The following KCNH7 variants were observed in gnomAD, a reference collection of about 807,000 sequenced individuals.
The protein encoded by KCNH7 is voltage-gated inwardly rectifying potassium channel KCNH7.
In KCNH7, 49 loss-of-function variants were observed where a neutral mutation model predicts 120.8. The ratio of observed to expected loss-of-function variants is 0.41; its 90% CI spans 0.32 to 0.51. The LOEUF is 0.51. Among genes scored for constraint, KCNH7 ranks in the 20% least tolerant of loss-of-function variants. The pLI is 0.38. For missense variants in KCNH7, 1,097 were observed against 1,446.6 expected (o/e 0.76, Z 3.92); for synonymous variants, 547 against 516.1 (o/e 1.06, Z -0.81).
intron 2 of KCNH7, among the ~76,000 whole-genome samples, chr2:162,780,076 T>C (rs1193110163): frequency 6.6e-6 from 1 of 152,234 alleles, no homozygotes; most frequent in African/African-American, 2.4e-5. Flanking sequence ...TTATGAATTA[T>C]GAATTTGATA....
chr2:162,762,770 A>G (rs1182484661), intron 2 of KCNH7, among the ~76,000 whole-genome samples: 2 of 152,112 alleles, frequency 1.3e-5, no homozygotes, highest in Non-Finnish European at 1.5e-5. Flanking sequence ...TGCCCACCTT[A>G]TAAAATTGTC....
Position 162,371,555 on chromosome 2 carries a change from C to T in KCNH7, c.*274G>A. On this transcript the variant is annotated 3_prime_UTR_variant, in exon 16 of 16. Transcript: ENST00000332142. The stretch of plus-strand genomic sequence containing the variant: ...CTCCATGCAAGAGAAATTGGAGTTT[C>T]CTAACATGCATGTGATTTAAAAAAT... 1 of 872,698 alleles carries T rather than the reference C, an allele frequency of 1.1e-6. No homozygotes were observed. Among genetic ancestry groups the T allele is most frequent in the Non-Finnish European group, 1.5e-6 (1 of 651,006 alleles). 54.1% of individuals were successfully genotyped at this position (872,698 alleles called of 1,614,324 possible).
At chr2:162,758,526 C>T (rs538907626) in intron 2 of KCNH7, among the ~76,000 whole-genome samples, 7 of 151,758 alleles carry the variant, frequency 4.6e-5, no homozygotes, top group South Asian at 2.1e-4. Flanking sequence ...TATATATAAA[C>T]GTATATATAT....
chr2:162,829,936 C>G (rs1055581589), intron 2 of KCNH7, among the ~76,000 whole-genome samples: 3 of 150,360 alleles, frequency 2.0e-5, no homozygotes, highest in African/African-American at 7.3e-5. Context: ...TCACTTCGTA[C>G]TAGTTACCCT....
chr2:162,509,566 G>A (rs1019761905), intron 5 of KCNH7, among the ~76,000 whole-genome samples: 1 of 151,560 alleles, frequency 6.6e-6, no homozygotes, highest in African/African-American at 2.4e-5. Context: ...AACCAGTTTA[G>A]CACTTAGAAA....
chr2:162,760,617 A>G (rs1420097520), intron 2 of KCNH7, among the ~76,000 whole-genome samples: 1 of 152,066 alleles, frequency 6.6e-6, no homozygotes, highest in Non-Finnish European at 1.5e-5. Flanking sequence ...ACTCCTCTAA[A>G]TAATATCTTC....
chr2:162,584,806 GC>G (rs1262511479), intron 2 of KCNH7, among the ~76,000 whole-genome samples: 1 of 151,078 alleles, frequency 6.6e-6, no homozygotes, highest in African/African-American at 2.4e-5. Flanking sequence ...CATGGGATGA[GC>G]ATGAGGCCTA....
At chr2:162,571,823 T>A (rs1260273844) in intron 2 of KCNH7, among the ~76,000 whole-genome samples, 1 of 151,148 alleles carries the variant, frequency 6.6e-6, no homozygotes, top group Non-Finnish European at 1.5e-5. Context: ...TACATGGTGC[T>A]GGGAAAACTG....
At chr2:162,565,877 G>C (rs1199016546) in intron 2 of KCNH7, among the ~76,000 whole-genome samples, 2 of 151,878 alleles carry the variant, frequency 1.3e-5, no homozygotes, top group African/African-American at 4.8e-5. Flanking sequence ...ATGTGACCTT[G>C]GACAAATTAC....
At chr2:162,807,515 G>A (rs1302673238) in intron 2 of KCNH7, among the ~76,000 whole-genome samples, 1 of 152,048 alleles carries the variant, frequency 6.6e-6, no homozygotes, top group East Asian at 1.9e-4. Flanking sequence ...AGGAAGTAGA[G>A]ATTCTGATAC....
chr2:162,430,095 G>C (rs1367017693), intron 8 of KCNH7, among the ~76,000 whole-genome samples: 2 of 151,788 alleles, frequency 1.3e-5, no homozygotes, highest in Non-Finnish European at 2.9e-5. Flanking sequence ...ACCACTTGAG[G>C]ATCTGCTTGT....
At chr2:162,827,880 T>C (rs1292305329) in intron 2 of KCNH7, among the ~76,000 whole-genome samples, 1 of 152,090 alleles carries the variant, frequency 6.6e-6, no homozygotes, top group African/African-American at 2.4e-5. Flanking sequence ...TGAAAGCAAT[T>C]TATATGAAGA....
chr2:162,661,407 T>C (rs771718130), intron 2 of KCNH7, among the ~76,000 whole-genome samples: 19 of 152,148 alleles, frequency 1.2e-4, no homozygotes, highest in Non-Finnish European at 1.9e-4. Context: ...GAAAGTGGGG[T>C]ATTGCATCTT....
chr2:162,563,437 C>T (rs1225952037), intron 2 of KCNH7, among the ~76,000 whole-genome samples: 1 of 152,168 alleles, frequency 6.6e-6, no homozygotes, highest in African/African-American at 2.4e-5. Context: ...CAGAGGCACA[C>T]ACATCCTTCT....
At chr2:162,690,672 G>A (rs1419924976) in intron 2 of KCNH7, among the ~76,000 whole-genome samples, 1 of 152,048 alleles carries the variant, frequency 6.6e-6, no homozygotes, top group African/African-American at 2.4e-5. Context: ...CTTTCTGCTG[G>A]CATCCTGGGA....
At chr2:162,698,779 A>C (rs1686388505) in intron 2 of KCNH7, among the ~76,000 whole-genome samples, 1 of 152,062 alleles carries the variant, frequency 6.6e-6, no homozygotes, top group South Asian at 2.1e-4. Flanking sequence ...ATAAATGAGA[A>C]AATGCACTTA....
chr2:162,723,489 C>T (rs1373193401), intron 2 of KCNH7, among the ~76,000 whole-genome samples: 2 of 152,198 alleles, frequency 1.3e-5, no homozygotes, highest in Non-Finnish European at 2.9e-5. Flanking sequence ...CAGGATAAAT[C>T]TTGGAATGTA....
At chr2:162,569,365 C>T (rs534536594) in intron 2 of KCNH7, among the ~76,000 whole-genome samples, 163 of 151,246 alleles carry the variant, frequency 1.1e-3, no homozygotes, top group Admixed American at 2.6e-3. Context: ...TCTGTGGGAT[C>T]GGTGGTGATA....
chr2:162,424,754 G>T (rs1168184089), intron 8 of KCNH7, among the ~76,000 whole-genome samples: 1 of 152,160 alleles, frequency 6.6e-6, no homozygotes, highest in Non-Finnish European at 1.5e-5. Flanking sequence ...ATCTTGTCAT[G>T]ATTGGTTATC....
Sources: allele counts gnomAD v4.1 joint callset (sites outside exome capture counted in the v4.1 genomes callset), GRCh38; gene constraint gnomAD v4.1.1; transcripts MANE v1.5; gene names NCBI Gene and HGNC (gene_info 2026-07-23, HGNC 2026-07-21).